Variants in FBXO15 observed in about 807,000 individuals in gnomAD.
The protein encoded by FBXO15 is F-box protein 15.
FBXO15 carries 30 observed loss-of-function variants against 49.5 expected under a neutral mutation model. The observed-to-expected ratio is 0.61, with a 90% CI of 0.45 to 0.82. The LOEUF (loss-of-function observed/expected upper bound fraction) is 0.82. FBXO15 is among the 40% of genes least tolerant of loss of function. FBXO15 has a pLI of 0.00. For synonymous variants in FBXO15, 250 were observed against 232.7 expected, an observed-to-expected ratio of 1.07 and a Z score of -0.68; for missense variants, 591 against 631.5, an observed-to-expected ratio of 0.94 and a Z score of 0.69.
intron 9 of FBXO15, among the ~76,000 whole-genome samples, chr18:74,079,343 T>C (rs1329553878): frequency 6.6e-6 from 1 of 152,200 alleles, no homozygotes; most frequent in African/African-American, 2.4e-5. Flanking sequence ...AACATGACTT[T>C]GTAAAATAGC....
intron 5 of FBXO15, among the ~76,000 whole-genome samples, chr18:74,128,052 G>A (rs80040953): frequency 0.044 from 6,730 of 152,132 alleles, 203 homozygotes; most frequent in East Asian, 0.12. Flanking sequence ...TCATGATCCC[G>A]TATGAAATTT....
chr18:74,107,295 C>T (rs927015192), intron 8 of FBXO15, among the ~76,000 whole-genome samples: 1 of 151,158 alleles, frequency 6.6e-6, no homozygotes. Context: ...AAACAAATAC[C>T]GCATGATCCC....
intron 2 of FBXO15, among the ~76,000 whole-genome samples, chr18:74,139,210 A>C (rs144774484): frequency 2.6e-5 from 4 of 152,328 alleles, no homozygotes; most frequent in Admixed American, 6.5e-5. Context: ...TTTTCTCAAC[A>C]ACAGGTATCC....
chr18:74,112,451 C>T lies in FBXO15; in HGVS notation c.1138+10917G>A, dbSNP rs150969285. Among the ~76,000 whole-genome samples the T allele has an allele frequency of 2.0e-4, 30 of 152,256 alleles. 1 individual carries two copies. The highest frequency in any genetic ancestry group is 5.5e-4 in the African/African-American group (23 of 41,566). On this transcript the variant is annotated intron_variant, in intron 8 of 9. Transcript: ENST00000419743. The stretch of plus-strand genomic sequence containing the variant: ...GAAAAATCACATAAGCATAACAATA[C>T]ACACAGAAACAGCATTCAACAAAAT...
intron 3 of FBXO15, among the ~76,000 whole-genome samples, chr18:74,134,265 G>T (rs186005457): frequency 6.6e-6 from 1 of 152,148 alleles, no homozygotes; most frequent in Admixed American, 6.5e-5. Flanking sequence ...AGATCTGAGG[G>T]CTTATTCTGA....
intron 8 of FBXO15, among the ~76,000 whole-genome samples, chr18:74,118,099 C>G (rs1914311417): frequency 2.0e-5 from 3 of 151,512 alleles, no homozygotes; most frequent in African/African-American, 7.3e-5. Flanking sequence ...CTGGAACTCT[C>G]GATCCTCCCA....
At chr18:74,081,768 TAAC>T (rs1436591303) in intron 9 of FBXO15, among the ~76,000 whole-genome samples, 156 bp downstream of exon 9, 1 of 152,204 alleles carries the variant, frequency 6.6e-6, no homozygotes, top group Non-Finnish European at 1.5e-5. Flanking sequence ...TGTCAATGGC[TAAC>T]AGAATGTGCA....
intron 1 of FBXO15, among the ~76,000 whole-genome samples, chr18:74,143,044 A>G (rs918431421): frequency 2.0e-5 from 3 of 152,180 alleles, no homozygotes; most frequent in African/African-American, 4.8e-5. Flanking sequence ...AATTCCTATC[A>G]GGAGCTCCAA....
rs1461153284 is a variant in FBXO15, at chr18:74,075,769, G to C, written c.1264-2039C>G. ...CTCCAAATGCATCCAGAACCCACAA[G>C]CCCTGCAGCTCTCTACCCACTCCCA... On this transcript the variant is annotated intron_variant, in intron 9 of 9. Coordinates refer to ENST00000419743, the MANE Select transcript of FBXO15 (RefSeq NM_001142958.2). This position sits in a 1 kb window ranked among gnomAD's most constrained non-coding sequence, Gnocchi z 4.1. 6.6e-6 allele frequency among the ~76,000 whole-genome samples: 1 copy of C among 152,122 alleles called. No individual in the cohort carries two copies. Among genetic ancestry groups the C allele is most frequent in the Non-Finnish European group, 1.5e-5 (1 of 68,006 alleles).
intron 8 of FBXO15, among the ~76,000 whole-genome samples, chr18:74,094,722 G>C (rs1034859908): frequency 2.0e-5 from 3 of 152,196 alleles, no homozygotes; most frequent in African/African-American, 7.2e-5. Context: ...TTTCAGAATG[G>C]TAAAAGAGGA....
chr18:74,102,389 C>G (rs1328392218), intron 8 of FBXO15, among the ~76,000 whole-genome samples: 2 of 152,084 alleles, frequency 1.3e-5, no homozygotes, highest in Non-Finnish European at 2.9e-5. Flanking sequence ...TAGTGCAAAT[C>G]AAAACCACAA....
chr18:74,119,745 G>C (rs79510660), intron 8 of FBXO15, among the ~76,000 whole-genome samples: 2,911 of 152,248 alleles, frequency 0.019, 84 homozygotes, highest in African/African-American at 0.064. Flanking sequence ...GAGCTAGAGT[G>C]GGGAGGACAG....
rs1478202520 is a variant in FBXO15 at position 74,098,014 on chromosome 18, G to C, written c.1139-15963C>G. The C allele has an allele frequency of 2.0e-5, 3 of 152,416 alleles. No individual in the cohort carries two copies. The East Asian group carries it at 5.8e-4, about 29-fold the overall frequency. The allele number at this position is 152,416 out of a possible 1,614,324, so 9.4% of individuals were successfully genotyped here. On this transcript the variant is annotated intron_variant, in intron 8 of 9. Coordinates refer to ENST00000419743, the MANE Select transcript of FBXO15 (RefSeq NM_001142958.2). ...ACCTACCAGATGGCTAGATCCAGAA[G>C]AGAGATAACAATCACTACAACTTAG... is the stretch of plus-strand genomic sequence containing the variant.
chr18:74,116,980 T>C (rs575534326), intron 8 of FBXO15, among the ~76,000 whole-genome samples: 11 of 152,270 alleles, frequency 7.2e-5, no homozygotes, highest in Admixed American at 7.2e-4. Context: ...GAACATTTTA[T>C]CCTTGATAGG....
At chr18:74,139,705 A>T (rs1224004723) in intron 2 of FBXO15, among the ~76,000 whole-genome samples, 1 of 152,230 alleles carries the variant, frequency 6.6e-6, no homozygotes, top group Non-Finnish European at 1.5e-5. Context: ...TCGGTGTTCC[A>T]TAAATGTTAC....
intron 5 of FBXO15, among the ~76,000 whole-genome samples, chr18:74,129,187 A>G (rs1024263802): frequency 6.6e-6 from 1 of 152,226 alleles, no homozygotes; most frequent in Admixed American, 6.5e-5. Flanking sequence ...ATTCTTTACC[A>G]TTAAAGACAA....
chr18:74,094,351 TC>T (rs1913186911), intron 8 of FBXO15, among the ~76,000 whole-genome samples: 2 of 152,126 alleles, frequency 1.3e-5, no homozygotes, highest in African/African-American at 4.8e-5. Context: ...GCCTCTCCCC[TC>T]CTTTCTCTTG....
intron 8 of FBXO15, among the ~76,000 whole-genome samples, chr18:74,111,580 G>A (rs1914034397): frequency 6.6e-6 from 1 of 151,710 alleles, no homozygotes; most frequent in South Asian, 2.1e-4. Flanking sequence ...TATTAGAAAA[G>A]AAGAAAGATC....
chr18:74,084,594 C>A (rs1912657195), intron 8 of FBXO15, among the ~76,000 whole-genome samples: 1 of 152,212 alleles, frequency 6.6e-6, no homozygotes. Flanking sequence ...ATTAAATTCC[C>A]GTGCTCCTTA....
Sources: gnomAD v4.1 joint callset for allele counts (sites outside exome capture counted in the v4.1 genomes callset) on GRCh38, gnomAD v4.1.1 for gene constraint, Gnocchi (gnomAD v3.1) non-coding constraint, MANE v1.5 for transcripts, NCBI Gene and HGNC (gene_info 2026-07-23, HGNC 2026-07-21) for gene names.